The following DMRTB1 variants were observed in gnomAD, a reference collection of about 807,000 sequenced individuals.
DMRTB1 encodes the protein DMRT like family B with proline rich C-terminal 1, also known as doublesex- and mab-3-related transcription factor B1.
Under a neutral mutation model 25.2 loss-of-function variants are expected in DMRTB1, and 9 were observed. The observed-to-expected ratio is 0.36, with a 90% confidence interval of 0.22 to 0.62. DMRTB1 has a LOEUF of 0.62. DMRTB1 is among the 20% of genes least tolerant of loss of function. The pLI is 0.71. For synonymous variants in DMRTB1, 269 were observed against 238.1 expected (o/e 1.13, Z -1.20); for missense variants, 551 against 499.3 (o/e 1.10, Z -0.99).
intron 2 of DMRTB1, among the ~76,000 whole-genome samples, chr1:53,462,770 A>G (rs931679066): frequency 9.2e-5 from 14 of 152,230 alleles, no homozygotes; most frequent in Non-Finnish European, 1.8e-4. Flanking sequence ...TCTGGAGCCC[A>G]GGTGCTTTCC....
intron 2 of DMRTB1, among the ~76,000 whole-genome samples, chr1:53,463,268 A>G (rs937419255): frequency 6.6e-6 from 1 of 152,152 alleles, no homozygotes; most frequent in African/African-American, 2.4e-5. Flanking sequence ...TCTCCAGAAC[A>G]GTTTCCTCCT....
intron 2 of DMRTB1, among the ~76,000 whole-genome samples, chr1:53,462,581 C>G (rs1290421497): frequency 1.3e-5 from 2 of 152,208 alleles, no homozygotes; most frequent in Non-Finnish European, 2.9e-5. Flanking sequence ...CTTGATAATT[C>G]CAGGGTGTCT....
Position 53,467,281 on chromosome 1 carries a change from AG to A in DMRTB1, c.*620del, listed in dbSNP as rs2100641025. ...GGGCTACTTCATTCCCCCTCCATAA[AG>A]TTTCAGCCATTATGGGCACTGGTTT... On this transcript the variant is annotated 3_prime_UTR_variant, in exon 4 of 4. Coordinates refer to ENST00000371445, the MANE Select transcript of DMRTB1 (RefSeq NM_033067.3). The A allele has an allele frequency of 6.5e-6, 1 of 152,840 alleles. No homozygotes were observed. Among genetic ancestry groups the A allele is most frequent in the South Asian group, 2.1e-4 (1 of 4,824 alleles). 9.5% of individuals were successfully genotyped at this position (152,840 alleles called of 1,614,324 possible).
intron 3 of DMRTB1, among the ~76,000 whole-genome samples, chr1:53,465,324 G>A (rs1378706646): frequency 6.6e-6 from 1 of 151,762 alleles, no homozygotes; most frequent in Non-Finnish European, 1.5e-5. Flanking sequence ...CCACTCTGAG[G>A]GAACCAGACC....
intron 2 of DMRTB1, among the ~76,000 whole-genome samples, chr1:53,461,983 C>G (rs922204997): frequency 6.6e-5 from 10 of 152,166 alleles, no homozygotes; most frequent in Admixed American, 6.5e-4. Context: ...GGGCATATCA[C>G]CTTCCTGGGA....
At chr1:53,460,317 A>C (rs971165649) in intron 1 of DMRTB1, 13 of 336,188 alleles carry the variant, frequency 3.9e-5, no homozygotes, top group South Asian at 2.0e-4. Context: ...TCGACTTAGC[A>C]GTGCTTCCTC....
chr1:53,463,944 G>A (rs571099549), intron 2 of DMRTB1, among the ~76,000 whole-genome samples: 1 of 152,228 alleles, frequency 6.6e-6, no homozygotes, highest in African/African-American at 2.4e-5. Context: ...CCTGTGCTGT[G>A]GTAAGGGGTT....
intron 3 of DMRTB1, among the ~76,000 whole-genome samples, chr1:53,465,564 A>G (rs1644046133): frequency 6.6e-6 from 1 of 152,242 alleles, no homozygotes; most frequent in Non-Finnish European, 1.5e-5. Flanking sequence ...ATGATTTGGA[A>G]AGAACTGACA....
At chr1:53,460,917 C>T (rs1016664526) in intron 1 of DMRTB1, among the ~76,000 whole-genome samples, 43 of 152,306 alleles carry the variant, frequency 2.8e-4, no homozygotes, top group African/African-American at 9.9e-4. Flanking sequence ...ATCTAGGTCC[C>T]CAGGGAACGT....
At chr1:53,462,582 C>T (rs1644028266) in intron 2 of DMRTB1, among the ~76,000 whole-genome samples, 1 of 152,180 alleles carries the variant, frequency 6.6e-6, no homozygotes, top group South Asian at 2.1e-4. Context: ...TTGATAATTC[C>T]AGGGTGTCTA....
intron 2 of DMRTB1, among the ~76,000 whole-genome samples, chr1:53,462,683 G>T (rs1644028695): frequency 6.6e-6 from 1 of 152,238 alleles, no homozygotes; most frequent in Non-Finnish European, 1.5e-5. Context: ...TCACAAAACT[G>T]GTGAGAGAGA....
chr1:53,461,856 G>A (rs1644024897), intron 2 of DMRTB1, among the ~76,000 whole-genome samples: 2 of 152,320 alleles, frequency 1.3e-5, no homozygotes, highest in East Asian at 3.9e-4. Flanking sequence ...ACTCGGCTTG[G>A]GCTATGGCCT....
chr1:53,461,398 CCGCCGCCCTG>C (rs1644021515), intron 1 of DMRTB1, 65 bp from the exon 2 acceptor site: 1 of 1,456,102 alleles, frequency 6.9e-7, no homozygotes, highest in Non-Finnish European at 9.2e-7. Flanking sequence ...GCTGATGACC[CCGCCGCCCTG>C]GGCCGCCCTG....
intron 3 of DMRTB1, among the ~76,000 whole-genome samples, chr1:53,465,220 G>A (rs1173695890): frequency 6.6e-6 from 1 of 152,210 alleles, no homozygotes; most frequent in Non-Finnish European, 1.5e-5. Flanking sequence ...GAAGACCAGA[G>A]GTGCCAGGCC....
chr1:53,460,728 G>T (rs1404462361), intron 1 of DMRTB1, among the ~76,000 whole-genome samples: 2 of 152,362 alleles, frequency 1.3e-5, no homozygotes, highest in South Asian at 4.1e-4. Flanking sequence ...AGCTTTAGAA[G>T]CCCCGGGGTT....
At chr1:53,461,018 G>A (rs535922884) in intron 1 of DMRTB1, among the ~76,000 whole-genome samples, 2 of 152,282 alleles carry the variant, frequency 1.3e-5, no homozygotes, top group African/African-American at 2.4e-5. Context: ...GGGCTGAGCC[G>A]AACCATGAGC....
chr1:53,466,626 G>C lies in DMRTB1; in HGVS notation c.993G>C (p.Glu331Asp). The change falls in exon 4 of 4, where the codon GAG (glutamate) becomes GAC (aspartate). Residue 331 changes from glutamate (E) to aspartate (D), a missense_variant. By Grantham distance (45) the Glu-to-Asp change is conservative. Coordinates refer to ENST00000371445, the MANE Select transcript of DMRTB1 (RefSeq NM_033067.3). ...DDQDAEVLSG[E>D]PSQPSSQEQS... Reference sequence around the variant, plus strand: ...AGGATGCAGAGGTACTGTCGGGTGAGCCCAGCCAGCCATCGTCTCAGGAGC... The same window carrying C: ...AGGATGCAGAGGTACTGTCGGGTGACCCCAGCCAGCCATCGTCTCAGGAGC... 1 of 1,614,240 alleles carries C rather than the reference G, an allele frequency of 6.2e-7. No individual in the cohort carries two copies. The highest frequency in any genetic ancestry group is 1.6e-4 in the Middle Eastern group (1 of 6,062).
chr1:53,462,807 G>A (rs1361151767), intron 2 of DMRTB1, among the ~76,000 whole-genome samples: 1 of 152,220 alleles, frequency 6.6e-6, no homozygotes, highest in African/African-American at 2.4e-5. Context: ...TCCCACAGAG[G>A]TAGAACACAC....
intron 3 of DMRTB1, 61 bp downstream of exon 3, chr1:53,464,908 G>T (rs1047964135): frequency 3.7e-6 from 6 of 1,603,702 alleles, no homozygotes; most frequent in Non-Finnish European, 5.1e-6. Flanking sequence ...GGAGGAAGAG[G>T]TACCTAATCT....
Sources: gnomAD v4.1 joint callset for allele counts (sites outside exome capture counted in the v4.1 genomes callset) on GRCh38, gnomAD v4.1.1 for gene constraint, MANE v1.5 for transcripts, NCBI Gene and HGNC (gene_info 2026-07-23, HGNC 2026-07-21) for gene names.